LRRC49: variants seen among roughly 807,000 people sequenced by gnomAD.
The protein encoded by LRRC49 is leucine rich repeat containing 49, also known as leucine-rich repeat-containing protein 49.
Under a neutral mutation model 83.3 loss-of-function variants are expected in LRRC49, and 50 were observed. The ratio of observed to expected loss-of-function variants is 0.60; its 90% confidence interval spans 0.48 to 0.76. The LOEUF is 0.76. Among genes scored for constraint, LRRC49 ranks in the 30% least tolerant of loss-of-function variants. The pLI is 0.00. For missense variants in LRRC49, 704 were observed against 809.1 expected (o/e 0.87, Z 1.58); for synonymous variants, 286 against 283.3 (o/e 1.01, Z -0.10).
chr15:70,874,749 A>G (rs1283986393), intron 2 of LRRC49, among the ~76,000 whole-genome samples: 1 of 152,264 alleles, frequency 6.6e-6, no homozygotes, highest in African/African-American at 2.4e-5. Flanking sequence ...GAATAAGTCT[A>G]CATGAGGAGG....
intron 14 of LRRC49, among the ~76,000 whole-genome samples, chr15:71,033,493 C>T (rs1027321861): frequency 1.1e-4 from 16 of 152,132 alleles, no homozygotes. Flanking sequence ...ATGCTACTTC[C>T]ATTAAACTAC....
chr15:71,001,170 G>T (rs186367855), intron 11 of LRRC49, among the ~76,000 whole-genome samples: 18 of 151,980 alleles, frequency 1.2e-4, no homozygotes, highest in African/African-American at 3.9e-4. Flanking sequence ...TATTATACCT[G>T]TAATTGATTT....
Position 70,904,532 on chromosome 15 carries a change from C to A in LRRC49, c.297-20C>A. On this transcript the variant is annotated intron_variant, in intron 4 of 15. Transcript: ENST00000260382. ...AGTGGCTGAATCATAACCTAATTAA[C>A]TTTTTAACATTTTTTCTAGACAAAA... 6.4e-7 allele frequency: 1 copy of A among 1,568,454 alleles called. No individual in the cohort carries two copies.
At chr15:70,889,759 CTCT>C (rs1207402803), upstream of LRRC49, among the ~76,000 whole-genome samples, 1 of 152,124 alleles carries the variant, frequency 6.6e-6, no homozygotes, top group Non-Finnish European at 1.5e-5. Context: ...TCTACAATAG[CTCT>C]TCAATAAATG....
rs1259455797 is a variant in LRRC49, at chr15:71,035,312, A to G, written c.1704-1867A>G. Among the ~76,000 whole-genome samples the G allele has an allele frequency of 2.6e-5, 4 of 152,128 alleles. No homozygotes were observed. In the East Asian group the frequency reaches 7.7e-4, roughly 29 times the overall value. Reference sequence around the variant, plus strand: ...TTATAGAAGAAGTTTGCAACGAAATATGTCAAATGTGAACATTATTATTGT... The same window carrying G: ...TTATAGAAGAAGTTTGCAACGAAATGTGTCAAATGTGAACATTATTATTGT... On this transcript the variant is annotated intron_variant, in intron 14 of 15. Transcript: ENST00000260382.
At chr15:70,914,021 T>C (rs1228176083) in intron 6 of LRRC49, among the ~76,000 whole-genome samples, 1 of 151,940 alleles carries the variant, frequency 6.6e-6, no homozygotes, top group Non-Finnish European at 1.5e-5. Context: ...AAATTAAACA[T>C]TTGTAGTGCA....
intron 15 of LRRC49, among the ~76,000 whole-genome samples, chr15:71,044,754 C>T (rs1018139112): frequency 2.6e-5 from 4 of 151,978 alleles, no homozygotes; most frequent in African/African-American, 7.2e-5. Context: ...CCACTGCACT[C>T]TAGCCTGGGC....
intron 1 of LRRC49, among the ~76,000 whole-genome samples, chr15:70,860,441 G>T (rs536948774): frequency 6.6e-6 from 1 of 152,330 alleles, no homozygotes; most frequent in Admixed American, 6.5e-5. Flanking sequence ...GAGAGATGAG[G>T]TCTCACTCTG....
intron 9 of LRRC49, among the ~76,000 whole-genome samples, chr15:70,976,010 G>GT (rs2037193728): frequency 6.6e-6 from 1 of 152,200 alleles, no homozygotes; most frequent in African/African-American, 2.4e-5. Context: ...CACTGCGGAA[G>GT]CCTATATAAA....
chr15:70,987,526 TTTC>T (rs1444851684), intron 11 of LRRC49, among the ~76,000 whole-genome samples: 2 of 152,154 alleles, frequency 1.3e-5, no homozygotes, highest in African/African-American at 4.8e-5. Flanking sequence ...TCTTCTCTCT[TTTC>T]TTCTTTATTA....
chr15:70,936,834 C>T lies in LRRC49; in HGVS notation c.773+12C>T. 1.3e-6 allele frequency: 2 copies of T among 1,579,772 alleles called. No individual in the cohort carries two copies. The highest frequency in any genetic ancestry group is 1.1e-5 in the South Asian group (1 of 89,836). ...AACAATATATCTAGGTAAGTGGAAA[C>T]TCCCAAGTTGTCATTCATTATAACT... On this transcript the variant is annotated intron_variant, in intron 8 of 15. Transcript: ENST00000260382.
At chr15:71,021,381 G>C (rs1383553540) in intron 14 of LRRC49, among the ~76,000 whole-genome samples, 2 of 152,024 alleles carry the variant, frequency 1.3e-5, no homozygotes, top group Non-Finnish European at 2.9e-5. Flanking sequence ...CAAATAATAA[G>C]CAAATATATA....
intron 11 of LRRC49, among the ~76,000 whole-genome samples, chr15:70,998,572 A>G (rs1315668952): frequency 6.6e-6 from 1 of 151,924 alleles, no homozygotes; most frequent in Non-Finnish European, 1.5e-5. Flanking sequence ...TCCCTTGTCC[A>G]TTATGAGTAA....
At chr15:70,952,892 T>A (rs1464373162) in intron 8 of LRRC49, among the ~76,000 whole-genome samples, 1 of 152,154 alleles carries the variant, frequency 6.6e-6, no homozygotes, top group Non-Finnish European at 1.5e-5. Flanking sequence ...TGTAATGCCC[T>A]TTCTTTGTCC....
Position 71,006,409 on chromosome 15 carries a change from A to T in LRRC49, c.1170-1970A>T, listed in dbSNP as rs558781252. Among the ~76,000 whole-genome samples the T allele has an allele frequency of 8.5e-5, 13 of 152,142 alleles. No individual in the cohort carries two copies. The South Asian group carries it at 2.7e-3, about 32-fold the overall frequency. Reference sequence around the variant, plus strand: ...TTTTGATACATAACTCTGATTCCCCATCATTTTTACATTAAACTTTTTTGC... The same window carrying T: ...TTTTGATACATAACTCTGATTCCCCTTCATTTTTACATTAAACTTTTTTGC... On this transcript the variant is annotated intron_variant, in intron 11 of 15. Transcript: ENST00000260382.
intron 11 of LRRC49, among the ~76,000 whole-genome samples, chr15:71,001,884 G>C (rs919111366): frequency 4.5e-4 from 68 of 151,970 alleles, no homozygotes; most frequent in African/African-American, 1.6e-3. Flanking sequence ...GTAGAGACAG[G>C]GTTTCACCTT....
chr15:71,014,764 G>A (rs1396491221), intron 14 of LRRC49, among the ~76,000 whole-genome samples: 1 of 152,010 alleles, frequency 6.6e-6, no homozygotes, highest in African/African-American at 2.4e-5. Context: ...GGCATATATT[G>A]ACAAATTTTT....
At chr15:70,982,429 T>G (rs1247837514) in intron 10 of LRRC49, among the ~76,000 whole-genome samples, 1 of 152,168 alleles carries the variant, frequency 6.6e-6, no homozygotes, top group East Asian at 1.9e-4. Flanking sequence ...TAAGAAGCAT[T>G]TTTATTATAG....
chr15:70,875,462 G>A lies in LRRC49; in HGVS notation c.18+2239G>A, dbSNP rs546541040. ...TAATTCTCACAACAAACCTATGATC[G>A]AGGAACTAAAAACAGCCGTACTTTA... is the stretch of plus-strand genomic sequence containing the variant. On this transcript the variant is annotated intron_variant, in intron 2 of 16. Transcript: ENST00000544974. 2.2e-4 allele frequency among the ~76,000 whole-genome samples: 34 copies of A among 152,110 alleles called. No individual in the cohort carries two copies. In the South Asian group the frequency reaches 3.3e-3, roughly 15 times the overall value.
Sources: allele counts gnomAD v4.1 joint callset (sites outside exome capture counted in the v4.1 genomes callset), GRCh38; gene constraint gnomAD v4.1.1; transcripts MANE v1.5; gene names NCBI Gene and HGNC (gene_info 2026-07-23, HGNC 2026-07-21).